The following LMX1A variants were observed in gnomAD, a reference collection of about 807,000 sequenced individuals.
The protein encoded by LMX1A is LIM homeobox transcription factor 1 alpha.
A neutral mutation model predicts 49.1 loss-of-function variants in LMX1A; 15 were observed. That is an observed-to-expected ratio of 0.31 (90% confidence interval 0.20 to 0.47). LMX1A has a LOEUF of 0.47. Ranked by LOEUF, LMX1A falls within the 20% of genes least tolerant of loss-of-function variation. The probability of loss-of-function intolerance (pLI) is 1.00; values close to 1 mark genes in which losing one functional copy is unlikely to be tolerated. For synonymous variants in LMX1A, 167 were observed against 185.7 expected (o/e 0.90, Z 0.82); for missense variants, 372 against 475.8 (o/e 0.78, Z 2.03).
chr1:165,214,328 C>A (rs559587329), intron 4 of LMX1A, among the ~76,000 whole-genome samples: 2 of 152,226 alleles, frequency 1.3e-5, no homozygotes, highest in African/African-American at 2.4e-5. Flanking sequence ...TGATTGAAAG[C>A]TCCCTGAGGC....
intron 4 of LMX1A, 111 bp downstream of exon 4, chr1:165,249,297 T>C (rs1652965882): frequency 2.8e-6 from 2 of 704,942 alleles, no homozygotes; most frequent in Non-Finnish European, 5.0e-6. Flanking sequence ...TGCCTTGCCA[T>C]GGAGCTAGGC....
intron 3 of LMX1A, among the ~76,000 whole-genome samples, chr1:165,286,554 T>G (rs1253447966): frequency 6.6e-6 from 1 of 152,114 alleles, no homozygotes; most frequent in South Asian, 2.1e-4. Context: ...TTCCCCTGAT[T>G]TGGTAAAAAT....
Position 165,280,794 on chromosome 1 carries a change from T to C in LMX1A, c.264-31154A>G, listed in dbSNP as rs1203113552. Among the ~76,000 whole-genome samples, 4 of 152,258 alleles carry C rather than the reference T, an allele frequency of 2.6e-5. No homozygotes were observed. The East Asian group carries it at 7.7e-4, about 29-fold the overall frequency. The stretch of plus-strand genomic sequence containing the variant: ...ACACAAACAGTACTGAACTTTATTA[T>C]TACTCAATGCAGCTTCCACTCTTTT... On this transcript the variant is annotated intron_variant, in intron 3 of 8. Transcript: ENST00000342310.
At chr1:165,208,175 C>T (rs1270863999) in intron 6 of LMX1A, 43 bp from the exon 7 acceptor site, 4 of 1,581,534 alleles carry the variant, frequency 2.5e-6, no homozygotes, top group East Asian at 2.2e-5. Flanking sequence ...AGGTGGCCTG[C>T]AGCATGTTCA....
In LMX1A at chr1:165,257,471, C is replaced by T. The variant is rs544724424; in HGVS notation, c.264-7831G>A. Among the ~76,000 whole-genome samples, 147 of 152,178 alleles carry T rather than the reference C, an allele frequency of 9.7e-4. 1 individual carries two copies. Among genetic ancestry groups the T allele is most frequent in the Non-Finnish European group, 1.6e-3 (110 of 68,010 alleles). ...AAAAAGTTGATCCCTTGAGGCTACT[C>T]AGCTCATGGACCCCAAAATACCCAA... On this transcript the variant is annotated intron_variant, in intron 3 of 8. Transcript: ENST00000342310.
At chr1:165,282,051 A>C (rs1654167108) in intron 3 of LMX1A, among the ~76,000 whole-genome samples, 1 of 152,198 alleles carries the variant, frequency 6.6e-6, no homozygotes, top group African/African-American at 2.4e-5. Flanking sequence ...GCCAGCCCTC[A>C]GACCACAGCC....
At chr1:165,265,060 C>A (rs796439891) in intron 3 of LMX1A, among the ~76,000 whole-genome samples, 31 of 151,802 alleles carry the variant, frequency 2.0e-4, no homozygotes, top group Non-Finnish European at 4.4e-4. Flanking sequence ...AAAAATTAGC[C>A]GGGCATGGTG....
chr1:165,299,888 C>A (rs550872937), intron 3 of LMX1A, among the ~76,000 whole-genome samples: 2 of 152,046 alleles, frequency 1.3e-5, no homozygotes, highest in Admixed American at 1.3e-4. Context: ...CAAATACCTT[C>A]TTTTCTCCCT....
At chr1:165,264,240 C>A (rs1653544758) in intron 3 of LMX1A, among the ~76,000 whole-genome samples, 1 of 152,086 alleles carries the variant, frequency 6.6e-6, no homozygotes, top group Non-Finnish European at 1.5e-5. Context: ...ATATAATTTT[C>A]ATCTTGGATG....
At chr1:165,205,740 G>T (rs1053120133) in intron 8 of LMX1A, 124 bp downstream of exon 8, 10 of 858,284 alleles carry the variant, frequency 1.2e-5, no homozygotes, top group African/African-American at 1.7e-5. Flanking sequence ...GCAGTATTTT[G>T]TAGGGCACAT....
intron 3 of LMX1A, among the ~76,000 whole-genome samples, chr1:165,261,395 G>C (rs1653434435): frequency 6.6e-6 from 1 of 152,170 alleles, no homozygotes; most frequent in South Asian, 2.1e-4. Flanking sequence ...GAAAATAACA[G>C]GTGTTGGATG....
intron 3 of LMX1A, among the ~76,000 whole-genome samples, chr1:165,306,663 C>T (rs139095815): frequency 3.3e-4 from 51 of 152,352 alleles, no homozygotes; most frequent in African/African-American, 1.2e-3. Context: ...TCCTGTATAA[C>T]ACAGTGATGG....
Position 165,355,684 on chromosome 1 carries a change from G to C in LMX1A, c.-22-103C>G. 2 of 830,892 alleles carry C rather than the reference G, an allele frequency of 2.4e-6. No individual in the cohort carries two copies. The highest frequency in any genetic ancestry group is 2.0e-6 in the Non-Finnish European group (1 of 510,110). 51.5% of individuals were successfully genotyped at this position (830,892 alleles called of 1,614,324 possible). ...AAAGAACTGAGGGAGTGTCCAGGGC[G>C]ACCAGAATCAGCCAGGAGGATAGGG... On this transcript the variant is annotated intron_variant, in intron 1 of 8. Transcript: ENST00000342310. The surrounding 1 kb of genome is among the most constrained non-coding windows in gnomAD (Gnocchi z 4.7).
In LMX1A at chr1:165,312,127, A is replaced by C. The variant is rs565953386; in HGVS notation, c.263+40949T>G. On this transcript the variant is annotated intron_variant, in intron 3 of 8. Coordinates refer to ENST00000342310, the MANE Select transcript of LMX1A (RefSeq NM_177398.4). Reference sequence around the variant, plus strand: ...TCAAATGCCTGGACTCTATTTTAGCAGTTCTAAAAAAGTACTGGAATTTCT... The same window carrying C: ...TCAAATGCCTGGACTCTATTTTAGCCGTTCTAAAAAAGTACTGGAATTTCT... 2.0e-5 allele frequency among the ~76,000 whole-genome samples: 3 copies of C among 152,330 alleles called. 1 individual carries two copies. In the South Asian group the frequency reaches 6.2e-4, roughly 32 times the overall value.
chr1:165,244,229 T>C (rs1652763720), intron 4 of LMX1A, among the ~76,000 whole-genome samples: 1 of 152,204 alleles, frequency 6.6e-6, no homozygotes, highest in African/African-American at 2.4e-5. Flanking sequence ...CCTATGAATT[T>C]CTTCACCTGT....
intron 3 of LMX1A, among the ~76,000 whole-genome samples, chr1:165,267,457 T>C (rs1187043002): frequency 1.3e-5 from 2 of 152,202 alleles, no homozygotes; most frequent in Non-Finnish European, 2.9e-5. Flanking sequence ...TGTTTCCACC[T>C]TTTGTCATGA....
At chr1:165,215,021 TA>T (rs1279997432) in intron 4 of LMX1A, among the ~76,000 whole-genome samples, 1 of 152,132 alleles carries the variant, frequency 6.6e-6, no homozygotes, top group Non-Finnish European at 1.5e-5. Context: ...CTTTTGGCAT[TA>T]AAAGCCATAG....
At chr1:165,318,477 T>C (rs951271363) in intron 3 of LMX1A, among the ~76,000 whole-genome samples, 1 of 151,842 alleles carries the variant, frequency 6.6e-6, no homozygotes. Context: ...ATATAATTTT[T>C]TTTTCTCTGA....
chr1:165,205,684 T>A (rs1413040900), intron 8 of LMX1A, among the ~76,000 whole-genome samples, 180 bp downstream of exon 8: 9 of 152,214 alleles, frequency 5.9e-5, no homozygotes, highest in Admixed American at 5.9e-4. Flanking sequence ...CAATAATGAA[T>A]ATGCATGAAG....
Sources: allele counts gnomAD v4.1 joint callset (sites outside exome capture counted in the v4.1 genomes callset), GRCh38; gene constraint gnomAD v4.1.1; non-coding constraint Gnocchi (gnomAD v3.1); transcripts MANE v1.5; gene names NCBI Gene and HGNC (gene_info 2026-07-23, HGNC 2026-07-21).